PAQR3: variants seen among roughly 807,000 people sequenced by gnomAD.
The protein encoded by PAQR3 is Raf kinase trapping to Golgi.
Under a neutral mutation model 41.7 loss-of-function variants are expected in PAQR3, and 39 were observed. That is an observed-to-expected ratio of 0.93 (90% CI 0.72 to 1.22). The LOEUF (loss-of-function observed/expected upper bound fraction) is 1.22. Ranked by LOEUF, PAQR3 falls within the 50% of genes most tolerant of loss-of-function variation. The pLI is 0.00. For missense variants in PAQR3, 366 were observed against 385.6 expected (o/e 0.95, Z 0.42); for synonymous variants, 140 against 140.6 (o/e 1.00, Z 0.03).
At chr4:78,900,206 C>A (rs1397541581) in intron 11 of PAQR3, among the ~76,000 whole-genome samples, 1 of 152,114 alleles carries the variant, frequency 6.6e-6, no homozygotes, top group Non-Finnish European at 1.5e-5. Flanking sequence ...ATCTTATTGA[C>A]ATTTTGTTTT....
chr4:78,897,394 T>G (rs1051450906), intron 11 of PAQR3, among the ~76,000 whole-genome samples: 1 of 152,120 alleles, frequency 6.6e-6, no homozygotes, highest in African/African-American at 2.4e-5. Context: ...TTTAAAATGA[T>G]GGAAGTGAAG....
intron 11 of PAQR3, among the ~76,000 whole-genome samples, chr4:78,905,091 A>G (rs1261612313): frequency 6.6e-6 from 1 of 151,794 alleles, no homozygotes; most frequent in Non-Finnish European, 1.5e-5. Context: ...TGTTTTGACT[A>G]ATCTATTGGT....
intron 2 of PAQR3, 146 bp from the exon 3 acceptor site, chr4:78,930,471 T>C: frequency 1.3e-6 from 1 of 742,412 alleles, no homozygotes; most frequent in Non-Finnish European, 2.0e-6. Flanking sequence ...ACATGGCTAC[T>C]GTAGAGCTCA....
At chr4:78,904,670 T>C (rs1329468949) in intron 11 of PAQR3, among the ~76,000 whole-genome samples, 1 of 151,946 alleles carries the variant, frequency 6.6e-6, no homozygotes, top group South Asian at 2.1e-4. Context: ...CATTTTCAGA[T>C]AGTAGAATTC....
Position 78,920,374 on chromosome 4 carries a change from A to G in PAQR3, c.*165T>C, listed in dbSNP as rs1050850865. On this transcript the variant is annotated 3_prime_UTR_variant, in exon 6 of 6. Transcript: ENST00000512733. ...GTTTTAAGGATTTTGTAAAGCAGTTATTACTACAGATCCTTAAGTATACTT... is the reference window on the plus strand; with the variant it reads ...GTTTTAAGGATTTTGTAAAGCAGTTGTTACTACAGATCCTTAAGTATACTT... The G allele has an allele frequency of 3.5e-5, 44 of 1,250,978 alleles. No individual in the cohort carries two copies. Among genetic ancestry groups the G allele is most frequent in the Non-Finnish European group, 4.2e-5 (42 of 997,226 alleles). 77.5% of individuals were successfully genotyped at this position (1,250,978 alleles called of 1,614,324 possible).
intron 11 of PAQR3, among the ~76,000 whole-genome samples, chr4:78,901,278 C>G (rs1412264194): frequency 6.9e-6 from 1 of 144,262 alleles, no homozygotes; most frequent in Non-Finnish European, 1.5e-5. Context: ...CTAGGCTTGT[C>G]TCTAATTCCT....
intron 11 of PAQR3, among the ~76,000 whole-genome samples, chr4:78,902,049 T>G (rs1734034485): frequency 6.6e-6 from 1 of 152,190 alleles, no homozygotes; most frequent in African/African-American, 2.4e-5. Context: ...TGGGCCATTT[T>G]ATAAGCTACA....
chr4:78,900,240 TATAAC>T (rs1312859292), intron 11 of PAQR3, among the ~76,000 whole-genome samples: 1 of 152,230 alleles, frequency 6.6e-6, no homozygotes, highest in Non-Finnish European at 1.5e-5. Context: ...CAGTGTATAA[TATAAC>T]ATTCAAAATA....
chr4:78,889,019 A>G (rs543481988), intron 11 of PAQR3, among the ~76,000 whole-genome samples: 5 of 152,304 alleles, frequency 3.3e-5, no homozygotes, highest in African/African-American at 1.2e-4. Context: ...CAGGAGATCA[A>G]GACCATCCTG....
At chr4:78,901,255 C>G (rs1005120509) in intron 11 of PAQR3, among the ~76,000 whole-genome samples, 1 of 148,968 alleles carries the variant, frequency 6.7e-6, no homozygotes, top group African/African-American at 2.5e-5. Context: ...GAGACTAGGT[C>G]TTACTATGTT....
At chr4:78,901,309 C>A (rs956744152) in intron 11 of PAQR3, among the ~76,000 whole-genome samples, 1 of 151,816 alleles carries the variant, frequency 6.6e-6, no homozygotes, top group Admixed American at 6.6e-5. Context: ...AAGCCTTTTA[C>A]CTCAGCCTCC....
chr4:78,903,741 G>C (rs1306998659), intron 11 of PAQR3, among the ~76,000 whole-genome samples: 1 of 151,918 alleles, frequency 6.6e-6, no homozygotes. Flanking sequence ...TTCAACAAAA[G>C]AGTCTTCATC....
intron 11 of PAQR3, among the ~76,000 whole-genome samples, chr4:78,888,692 A>G (rs745894429): frequency 2.6e-5 from 4 of 152,196 alleles, no homozygotes; most frequent in Non-Finnish European, 4.4e-5. Flanking sequence ...GTACTTCGCA[A>G]CATGTTCACA....
At chr4:78,931,504 A>G (rs1011573878) in intron 2 of PAQR3, among the ~76,000 whole-genome samples, 3 of 152,268 alleles carry the variant, frequency 2.0e-5, no homozygotes, top group African/African-American at 7.2e-5. Context: ...CTGATAATTG[A>G]TAAGGTTCTA....
In PAQR3 at chr4:78,914,069, A is replaced by G. The variant is rs1277027212; in HGVS notation, c.*6470T>C. 1 of 151,806 alleles carries G rather than the reference A, an allele frequency of 6.6e-6. No homozygotes were observed. Among genetic ancestry groups the G allele is most frequent in the Non-Finnish European group, 1.5e-5 (1 of 67,890 alleles). 9.4% of individuals were successfully genotyped at this position (151,806 alleles called of 1,614,324 possible). On this transcript the variant is annotated 3_prime_UTR_variant, in exon 6 of 6. Transcript: ENST00000512733. ...AACTACAGTAGGTTTGTATCAAACAATTTTTTTTAATGAAAATCTGTTGAG... is the reference window on the plus strand; with the variant it reads ...AACTACAGTAGGTTTGTATCAAACAGTTTTTTTTAATGAAAATCTGTTGAG...
chr4:78,917,815 G>A lies in PAQR3; in HGVS notation c.*2724C>T, dbSNP rs973813798. ...GGAAGTCAATCACAATCTTCAAATCGGATATTCTGTCCAGGTGGGATGCCA... is the reference window on the plus strand; with the variant it reads ...GGAAGTCAATCACAATCTTCAAATCAGATATTCTGTCCAGGTGGGATGCCA... On this transcript the variant is annotated 3_prime_UTR_variant, in exon 6 of 6. Coordinates refer to ENST00000512733, the MANE Select transcript of PAQR3 (RefSeq NM_001040202.2). 6 of 984,996 alleles carry A rather than the reference G, an allele frequency of 6.1e-6. No individual in the cohort carries two copies. The African/African-American group carries it at 7.0e-5, about 12-fold the overall frequency. The allele number at this position is 984,996 out of a possible 1,614,324, so 61.0% of individuals were successfully genotyped here. A position where few individuals can be genotyped will look rare whatever the true frequency, so the allele number is the denominator to read the frequency against.
At chr4:78,911,546 C>T (rs768779049), downstream of PAQR3, 6 of 1,613,916 alleles carry the variant, frequency 3.7e-6, no homozygotes, top group East Asian at 6.7e-5. Context: ...CATCATGGCA[C>T]GCCAACTAGC....
At chr4:78,936,352 A>G (rs961019700) in intron 1 of PAQR3, among the ~76,000 whole-genome samples, 7 of 152,240 alleles carry the variant, frequency 4.6e-5, no homozygotes, top group Non-Finnish European at 1.0e-4. Flanking sequence ...TGACATTGAC[A>G]TATAACTCTA....
At chr4:78,925,135 C>T (rs1428191957) in intron 4 of PAQR3, among the ~76,000 whole-genome samples, 1 of 152,048 alleles carries the variant, frequency 6.6e-6, no homozygotes, top group East Asian at 1.9e-4. Flanking sequence ...TCTTTGAAAA[C>T]TACTATCTAA....
Sources: gnomAD v4.1 joint callset for allele counts (sites outside exome capture counted in the v4.1 genomes callset) on GRCh38, gnomAD v4.1.1 for gene constraint, MANE v1.5 for transcripts, NCBI Gene and HGNC (gene_info 2026-07-23, HGNC 2026-07-21) for gene names.